SCUBE1: variants seen among roughly 807,000 people sequenced by gnomAD.
SCUBE1 encodes signal peptide, CUB domain and EGF like domain containing 1, also known as signal peptide, CUB and EGF-like domain-containing protein 1.
SCUBE1 carries 59 observed loss-of-function variants against 124.4 expected under a neutral mutation model. The observed-to-expected ratio is 0.47, with a 90% confidence interval of 0.38 to 0.59. The LOEUF (loss-of-function observed/expected upper bound fraction) is 0.59, where lower values mean the gene tolerates loss of function less well. SCUBE1 is among the 20% of genes least tolerant of loss of function. The pLI, the probability that SCUBE1 is intolerant of heterozygous loss-of-function variation, is 0.00. For missense variants in SCUBE1, 1,150 were observed against 1,371.2 expected, an observed-to-expected ratio of 0.84 and a Z score of 2.55; for synonymous variants, 545 against 550.9, an observed-to-expected ratio of 0.99 and a Z score of 0.15.
intron 4 of SCUBE1, among the ~76,000 whole-genome samples, chr22:43,280,017 AT>A (rs1318303534): frequency 6.6e-6 from 1 of 152,170 alleles, no homozygotes; most frequent in Non-Finnish European, 1.5e-5. Flanking sequence ...AGTCCCTGCA[AT>A]TGATTACAGC....
chr22:43,287,761 T>C (rs1374662232), intron 4 of SCUBE1, among the ~76,000 whole-genome samples: 2 of 152,244 alleles, frequency 1.3e-5, no homozygotes, highest in Non-Finnish European at 2.9e-5. Flanking sequence ...GCTATGGGAA[T>C]CAGAGGTCAC....
chr22:43,340,929 C>A (rs1227972266), intron 1 of SCUBE1, among the ~76,000 whole-genome samples: 5 of 152,164 alleles, frequency 3.3e-5, no homozygotes, highest in Admixed American at 6.5e-5. Context: ...AAATTTCTCC[C>A]CTGGATAATA....
chr22:43,247,618 C>A (rs993553559), intron 6 of SCUBE1, among the ~76,000 whole-genome samples: 4 of 152,356 alleles, frequency 2.6e-5, no homozygotes, highest in African/African-American at 9.6e-5. Context: ...CAAGTCAGGG[C>A]TAACCTTGGC....
rs1032026357 is a variant in SCUBE1 at position 43,211,125 on chromosome 22, G to A, written c.2222-42C>T. 26 of 1,569,270 alleles carry A rather than the reference G, an allele frequency of 1.7e-5. No homozygotes were observed. Among genetic ancestry groups the A allele is most frequent in the African/African-American group, 2.7e-5 (2 of 74,058 alleles). On this transcript the variant is annotated intron_variant, in intron 17 of 21. Coordinates refer to ENST00000360835, the MANE Select transcript of SCUBE1 (RefSeq NM_173050.5). The surrounding 1 kb of genome is among the most constrained non-coding windows in gnomAD (Gnocchi z 4.5). ...GGCAGTGTGGTGGGTGTGGAGGGGT[G>A]CAGGGAAAGGGCAGCACTGGGGTGC...
chr22:43,248,802 G>A (rs376004807), intron 6 of SCUBE1, among the ~76,000 whole-genome samples: 1 of 152,162 alleles, frequency 6.6e-6, no homozygotes, highest in Non-Finnish European at 1.5e-5. Flanking sequence ...TTCCAAGCAC[G>A]TCCAGGCTGC....
intron 4 of SCUBE1, among the ~76,000 whole-genome samples, chr22:43,285,665 T>C (rs1470977847): frequency 6.6e-6 from 1 of 152,028 alleles, no homozygotes; most frequent in African/African-American, 2.4e-5. Context: ...GAGCTGTCAG[T>C]AGACAGGGCG....
intron 1 of SCUBE1, among the ~76,000 whole-genome samples, chr22:43,342,799 C>T (rs954221940): frequency 3.3e-5 from 5 of 151,882 alleles, no homozygotes; most frequent in Admixed American, 3.3e-4. Context: ...TGTCCCCCTC[C>T]GCCCGCCCCG....
In SCUBE1 at chr22:43,210,911, G is replaced by C. The variant is rs1435147284; in HGVS notation, c.2383+11C>G. The stretch of plus-strand genomic sequence containing the variant: ...GTTCCCAGCTTCCCACGGCAGAGCA[G>C]CAGCACCCACTTTTGCAGTGTGTGA... On this transcript the variant is annotated intron_variant, in intron 18 of 21. Transcript: ENST00000360835. This position sits in a 1 kb window ranked among gnomAD's most constrained non-coding sequence, Gnocchi z 4.5. 1 of 1,613,792 alleles carries C rather than the reference G, an allele frequency of 6.2e-7. No individual in the cohort carries two copies. Among genetic ancestry groups the C allele is most frequent in the Admixed American group, 1.7e-5 (1 of 60,020 alleles).
At chr22:43,226,855 T>A (rs1226634495) in intron 10 of SCUBE1, among the ~76,000 whole-genome samples, 2 of 152,048 alleles carry the variant, frequency 1.3e-5, no homozygotes, top group African/African-American at 4.8e-5. Context: ...CACCCAGTGC[T>A]GCGAGCATGC....
Position 43,210,823 on chromosome 22 carries a change from C to G in SCUBE1, c.2383+99G>C. 2 of 1,410,864 alleles carry G rather than the reference C, an allele frequency of 1.4e-6. No homozygotes were observed. The highest frequency in any genetic ancestry group is 2.0e-6 in the Non-Finnish European group (2 of 1,013,314). 87.4% of individuals were successfully genotyped at this position (1,410,864 alleles called of 1,614,324 possible). On this transcript the variant is annotated intron_variant, in intron 18 of 21. Transcript: ENST00000360835. This position sits in a 1 kb window ranked among gnomAD's most constrained non-coding sequence, Gnocchi z 4.5. ...GACGGAGCGGGAGGAGTCCAGTGTC[C>G]TCGTGGAGCTCGTGTGAGATCAGGT...
intron 2 of SCUBE1, among the ~76,000 whole-genome samples, chr22:43,335,790 GTGATGA>G (rs1289409923): frequency 6.9e-6 from 1 of 144,802 alleles, no homozygotes; most frequent in African/African-American, 2.5e-5. Context: ...GATGGTGATG[GTGATGA>G]TGATGGTGAT....
At chr22:43,248,474 G>A (rs1350325555) in intron 6 of SCUBE1, among the ~76,000 whole-genome samples, 5 of 152,216 alleles carry the variant, frequency 3.3e-5, no homozygotes, top group African/African-American at 1.2e-4. Context: ...CCCCCTACAA[G>A]CCCCAGCTGT....
At position 43,315,765 on chromosome 22, in the gene SCUBE1, G is replaced by A. The variant is rs192160487; in HGVS notation, c.349+4172C>T. On this transcript the variant is annotated intron_variant, in intron 3 of 21. Coordinates refer to ENST00000360835, the MANE Select transcript of SCUBE1 (RefSeq NM_173050.5). ...GAGGTGGTGGGGCGGGGGAGGGGGG[G>A]AACCTTACCCAGTTCTTTTAAATTA... Among the ~76,000 whole-genome samples the A allele has an allele frequency of 1.9e-4, 27 of 144,734 alleles. 1 individual carries two copies. Among genetic ancestry groups the A allele is most frequent in the African/African-American group, 6.0e-4 (24 of 40,242 alleles). The allele number at this position is 144,734 out of a possible 152,430, so 95.0% of individuals were successfully genotyped here.
rs541460216 is a variant in SCUBE1 at position 43,295,554 on chromosome 22, C to T, written c.350-4374G>A. On this transcript the variant is annotated intron_variant, in intron 3 of 21. Transcript: ENST00000360835. ...GTGCTGTCCTTATTCCCACTGGGCA[C>T]GAGGGGGGCTTCAGCTGTGAGTGGG... Among the ~76,000 whole-genome samples the T allele has an allele frequency of 5.3e-5, 8 of 152,324 alleles. No homozygotes were observed. In the South Asian group the frequency reaches 1.2e-3, roughly 24 times the overall value.
chr22:43,329,496 C>G (rs1487132750), intron 2 of SCUBE1, among the ~76,000 whole-genome samples: 1 of 152,264 alleles, frequency 6.6e-6, no homozygotes. Flanking sequence ...GACCCGGTCT[C>G]CATGGACACA....
rs1191781792 is a variant in SCUBE1 at position 43,211,133 on chromosome 22, A to G, written c.2222-50T>C. The G allele has an allele frequency of 6.4e-7, 1 of 1,555,634 alleles. No individual in the cohort carries two copies. Among genetic ancestry groups the G allele is most frequent in the Non-Finnish European group, 8.7e-7 (1 of 1,145,340 alleles). ...GGTGGGTGTGGAGGGGTGCAGGGAAAGGGCAGCACTGGGGTGCTGTCCCCA... is the reference window on the plus strand; with the variant it reads ...GGTGGGTGTGGAGGGGTGCAGGGAAGGGGCAGCACTGGGGTGCTGTCCCCA... On this transcript the variant is annotated intron_variant, in intron 17 of 21. Coordinates refer to ENST00000360835, the MANE Select transcript of SCUBE1 (RefSeq NM_173050.5). The surrounding 1 kb of genome is among the most constrained non-coding windows in gnomAD (Gnocchi z 4.5).
chr22:43,301,064 G>A (rs1446915499), intron 3 of SCUBE1, among the ~76,000 whole-genome samples: 1 of 152,182 alleles, frequency 6.6e-6, no homozygotes, highest in Non-Finnish European at 1.5e-5. Flanking sequence ...ACCCACAGTT[G>A]CTTCAGGCAA....
intron 3 of SCUBE1, among the ~76,000 whole-genome samples, chr22:43,311,589 T>C (rs1273160831): frequency 1.3e-5 from 2 of 151,660 alleles, no homozygotes; most frequent in East Asian, 3.9e-4. Context: ...TCTGGCTATT[T>C]TTTTTTTTTG....
At chr22:43,332,158 C>A (rs542192039) in intron 2 of SCUBE1, among the ~76,000 whole-genome samples, 1 of 151,938 alleles carries the variant, frequency 6.6e-6, no homozygotes. Context: ...CATGGTGGTG[C>A]GCACCTGTAG....
Sources: gnomAD v4.1 joint callset for allele counts (sites outside exome capture counted in the v4.1 genomes callset) on GRCh38, gnomAD v4.1.1 for gene constraint, Gnocchi (gnomAD v3.1) non-coding constraint, MANE v1.5 for transcripts, NCBI Gene and HGNC (gene_info 2026-07-23, HGNC 2026-07-21) for gene names.